MAST4: variants seen among roughly 807,000 people sequenced by gnomAD.
The protein encoded by MAST4 is microtubule-associated serine/threonine-protein kinase 4.
A neutral mutation model predicts 162.7 loss-of-function variants in MAST4; 89 were observed. The observed-to-expected ratio is 0.55, with a 90% CI of 0.46 to 0.65. The LOEUF (loss-of-function observed/expected upper bound fraction) is 0.65. Among genes scored for constraint, MAST4 ranks in the 30% least tolerant of loss-of-function variants. The pLI is 0.00. For missense variants in MAST4, 3,153 were observed against 3,374.0 expected (o/e 0.93, Z 1.62); for synonymous variants, 1,479 against 1,361.1 (o/e 1.09, Z -1.91).
intron 3 of MAST4, among the ~76,000 whole-genome samples, chr5:66,825,919 G>A (rs1249281334): frequency 6.6e-6 from 1 of 152,114 alleles, no homozygotes; most frequent in Non-Finnish European, 1.5e-5. Context: ...TTCCATGGAG[G>A]TATAAAATCA....
intron 4 of MAST4, among the ~76,000 whole-genome samples, chr5:66,952,717 G>T (rs1744850181): frequency 6.6e-6 from 1 of 152,134 alleles, no homozygotes. Flanking sequence ...AGCCTGCCTT[G>T]TTCCACCGTC....
chr5:66,939,004 T>G (rs906736528), intron 4 of MAST4, among the ~76,000 whole-genome samples: 1 of 152,134 alleles, frequency 6.6e-6, no homozygotes, highest in African/African-American at 2.4e-5. Flanking sequence ...CAAAAACATG[T>G]GACCAAAAGA....
chr5:66,984,689 A>G (rs1333473600), intron 4 of MAST4, among the ~76,000 whole-genome samples: 1 of 148,620 alleles, frequency 6.7e-6, no homozygotes, highest in Non-Finnish European at 1.5e-5. Context: ...ATTGGAGAGA[A>G]GTAGATGGAT....
chr5:66,744,692 CAGGATA>C (rs1294217171), intron 1 of MAST4, among the ~76,000 whole-genome samples: 1 of 152,088 alleles, frequency 6.6e-6, no homozygotes, highest in Non-Finnish European at 1.5e-5. Flanking sequence ...AACCAGATCT[CAGGATA>C]ACTCACTCAC....
At chr5:66,850,662 G>T (rs868549511) in intron 3 of MAST4, among the ~76,000 whole-genome samples, 1 of 152,154 alleles carries the variant, frequency 6.6e-6, no homozygotes, top group Non-Finnish European at 1.5e-5. Flanking sequence ...AAGCACAGAT[G>T]AATCTCATGT....
At position 67,039,166 on chromosome 5, in the gene MAST4, G is replaced by A. The variant is rs150121703; in HGVS notation, c.675-15238G>A. Among the ~76,000 whole-genome samples the A allele has an allele frequency of 2.8e-3, 429 of 152,264 alleles. 3 individuals are homozygous for A. The highest frequency in any genetic ancestry group is 9.9e-3 in the African/African-American group (411 of 41,544). Reference sequence around the variant, plus strand: ...GGGTCTATTTAGAAAAATAATAAGTGGAAGTAAGCAATAGAAGAGTTCATG... The same window carrying A: ...GGGTCTATTTAGAAAAATAATAAGTAGAAGTAAGCAATAGAAGAGTTCATG... On this transcript the variant is annotated intron_variant, in intron 4 of 28. Coordinates refer to ENST00000403625, the MANE Select transcript of MAST4 (RefSeq NM_001164664.2).
intron 4 of MAST4, among the ~76,000 whole-genome samples, chr5:67,019,864 C>T (rs1274309661): frequency 6.6e-6 from 1 of 152,114 alleles, no homozygotes; most frequent in Non-Finnish European, 1.5e-5. Context: ...AATAGACTTC[C>T]AAAACCGTCT....
chr5:66,752,962 C>T (rs560178751), intron 1 of MAST4, among the ~76,000 whole-genome samples: 4 of 151,698 alleles, frequency 2.6e-5, no homozygotes, highest in African/African-American at 9.7e-5. Context: ...TCTCAGACCA[C>T]AGTGCAATCA....
chr5:67,163,868 CTT>C lies in MAST4; in HGVS notation c.4691_4692del (p.Phe1564CysfsTer4). ...ATGGACCCGGGAGTGATTTGGAAAA[CTT>C]TGCTCTGTTTAAGCTGGAAGAGAGA... ...SHGPGSDLEN[F>X]ALFKLEEREK... On this transcript the variant is annotated frameshift_variant, in exon 29 of 29. Transcript: ENST00000403625. LOFTEE classifies it low-confidence loss of function (END_TRUNC). The surrounding 1 kb of genome is among the most constrained non-coding windows in gnomAD (Gnocchi z 7.0). 6.2e-7 allele frequency: 1 copy of C among 1,613,980 alleles called. No homozygotes were observed. Among genetic ancestry groups the C allele is most frequent in the Non-Finnish European group, 8.5e-7 (1 of 1,179,878 alleles).
rs1773077182 is a variant in MAST4 at position 67,160,584 on chromosome 5, T to C, written c.3777T>C (p.Ser1259=). 1 of 1,613,320 alleles carries C rather than the reference T, an allele frequency of 6.2e-7. No individual in the cohort carries two copies. The highest frequency in any genetic ancestry group is 2.2e-5 in the East Asian group (1 of 44,860). Residue 1259 remains serine (S), a synonymous_variant, in exon 27 of 29, where the codon AGT becomes AGC. Coordinates refer to ENST00000403625, the MANE Select transcript of MAST4 (RefSeq NM_001164664.2). ...RRSKKSKKKE[S]LERRRSLFKK... is the part of the protein sequence containing the mutation. Reference sequence around the variant, plus strand: ...GCAAGAAATCCAAGAAGAAAGAAAGTCTCGAAAGGTTAGTAAAATCAGTAT... The same window carrying C: ...GCAAGAAATCCAAGAAGAAAGAAAGCCTCGAAAGGTTAGTAAAATCAGTAT...
chr5:66,858,234 G>C (rs537221262), intron 3 of MAST4, among the ~76,000 whole-genome samples: 42 of 152,190 alleles, frequency 2.8e-4, no homozygotes, highest in African/African-American at 9.9e-4. Flanking sequence ...CAAACTCCTG[G>C]GCTCAAGTGA....
Position 66,835,483 on chromosome 5 carries a change from A to G in MAST4, c.642+46689A>G, listed in dbSNP as rs547643476. On this transcript the variant is annotated intron_variant, in intron 3 of 28. Coordinates refer to ENST00000403625, the MANE Select transcript of MAST4 (RefSeq NM_001164664.2). ...TATTATATAAAAAAAAAGTTGCCTC[A>G]AAAGATTTCTCACGATGACCCAAAA... Among the ~76,000 whole-genome samples, 292 of 152,314 alleles carry G rather than the reference A, an allele frequency of 1.9e-3. 1 individual carries two copies. The highest frequency in any genetic ancestry group is 6.8e-3 in the Middle Eastern group (2 of 294).
At chr5:66,859,421 G>T (rs1184552587) in intron 3 of MAST4, among the ~76,000 whole-genome samples, 2 of 152,044 alleles carry the variant, frequency 1.3e-5, no homozygotes, top group South Asian at 2.1e-4. Flanking sequence ...TTAAGACACA[G>T]GTCAGTGTCT....
intron 4 of MAST4, among the ~76,000 whole-genome samples, chr5:67,000,663 G>T (rs1751176062): frequency 6.6e-6 from 1 of 151,386 alleles, no homozygotes; most frequent in African/African-American, 2.4e-5. Context: ...CAGGAGAATC[G>T]CTTGAACCTG....
At position 67,165,879 on chromosome 5, in the gene MAST4, G is replaced by T. The variant is rs781637540; in HGVS notation, c.6700G>T (p.Gly2234Cys). The T allele has an allele frequency of 6.2e-7, 1 of 1,613,376 alleles. No individual in the cohort carries two copies. Among genetic ancestry groups the T allele is most frequent in the Non-Finnish European group, 8.5e-7 (1 of 1,179,896 alleles). ...GKEPATQSLG[G>C]SSREGKGHSK... is the part of the protein sequence containing the mutation. ...AGAGCCTGCCACTCAGTCCCTCGGT[G>T]GCTCTAGCAGAGAGGGGAAGGGCCA... The change falls in exon 29 of 29, where the codon GGC (glycine) becomes TGC (cysteine). Residue 2234 changes from glycine to cysteine, a missense_variant. By Grantham distance (159) the Gly-to-Cys change is radical (BLOSUM62 -3). Around this residue, in one of 7 missense-constraint regions of MAST4, gnomAD observed 1,644 missense variants for 1,495.0 expected, o/e 1.10. Transcript: ENST00000403625.
At chr5:66,682,466 A>G (rs556908575) in intron 1 of MAST4, among the ~76,000 whole-genome samples, 1 of 152,330 alleles carries the variant, frequency 6.6e-6, no homozygotes, top group South Asian at 2.1e-4. Context: ...AGATGGGTTC[A>G]GTTGAATTAG....
chr5:66,853,961 A>G (rs1759494378), intron 3 of MAST4, among the ~76,000 whole-genome samples: 1 of 152,202 alleles, frequency 6.6e-6, no homozygotes, highest in Non-Finnish European at 1.5e-5. Context: ...ATCATAGTTT[A>G]AAATAAGTTA....
intron 3 of MAST4, among the ~76,000 whole-genome samples, chr5:66,878,301 G>A (rs1338468897): frequency 1.3e-5 from 2 of 152,230 alleles, no homozygotes; most frequent in Non-Finnish European, 2.9e-5. Context: ...CTATGACAGC[G>A]TGTATCACAC....
At chr5:66,843,951 G>T (rs1758609825) in intron 3 of MAST4, among the ~76,000 whole-genome samples, 1 of 152,092 alleles carries the variant, frequency 6.6e-6, no homozygotes, top group African/African-American at 2.4e-5. Flanking sequence ...TTGCTCAGAT[G>T]GATGTGCTGG....
Sources: allele counts gnomAD v4.1 joint callset (sites outside exome capture counted in the v4.1 genomes callset), GRCh38; gene constraint gnomAD v4.1.1; regional missense constraint gnomAD v4.1.1; non-coding constraint Gnocchi (gnomAD v3.1); transcripts MANE v1.5; gene names NCBI Gene and HGNC (gene_info 2026-07-23, HGNC 2026-07-21).